Variants in DHX30 observed in about 807,000 individuals in gnomAD.
DHX30 encodes the protein ATP-dependent RNA helicase DHX30.
Under a neutral mutation model 116.9 loss-of-function variants are expected in DHX30, and 4 were observed. That is an observed-to-expected ratio of 0.03 (90% CI 0.02 to 0.08). The LOEUF is 0.08. Among genes scored for constraint, DHX30 ranks in the 10% least tolerant of loss-of-function variants. The pLI, the probability that DHX30 is intolerant of heterozygous loss-of-function variation, is 1.00. For missense variants in DHX30, 871 were observed against 1,595.1 expected (o/e 0.55, Z 7.73); for synonymous variants, 697 against 651.7 (o/e 1.07, Z -1.06).
At chr3:47,825,567 G>C (rs1010357270) in intron 4 of DHX30, among the ~76,000 whole-genome samples, 7 of 152,238 alleles carry the variant, frequency 4.6e-5, no homozygotes, top group African/African-American at 1.7e-4. Context: ...GGACAAGCAT[G>C]CCCTCACCAG....
intron 6 of DHX30, among the ~76,000 whole-genome samples, chr3:47,829,609 G>T (rs1032530143): frequency 7.2e-5 from 11 of 151,862 alleles, no homozygotes; most frequent in Non-Finnish European, 1.5e-4. Context: ...CTCTCAAAGT[G>T]TTGGGATTAC....
At chr3:47,829,378 C>G (rs2036729129) in intron 6 of DHX30, among the ~76,000 whole-genome samples, 1 of 122,908 alleles carries the variant, frequency 8.1e-6, no homozygotes, top group Admixed American at 1.0e-4. Flanking sequence ...GAGTTTCACT[C>G]TGTTGCCCAG....
intron 8 of DHX30, chr3:47,842,387 G>C (rs1279138247): frequency 6.6e-6 from 1 of 152,520 alleles, no homozygotes; most frequent in Non-Finnish European, 1.5e-5. Context: ...CCTTGAGTTC[G>C]TGTCTGGCGT....
intron 2 of DHX30, among the ~76,000 whole-genome samples, chr3:47,807,264 T>C (rs571590572): frequency 3.7e-4 from 57 of 152,290 alleles, no homozygotes; most frequent in African/African-American, 1.3e-3. Flanking sequence ...TTTGGATCTC[T>C]ATGAAATGTT....
rs771397921 is a variant in DHX30, at chr3:47,841,069, C to T, written c.559C>T (p.Arg187Trp). Residue 187 changes from arginine to tryptophan, a missense_variant, in exon 7 of 22, where the codon CGG becomes TGG. Arg to Trp is a moderately radical substitution (Grantham distance 101). Transcript: ENST00000445061. Reference protein sequence around the residue: ...GPGGLSRSLGREEEEDEEEEL... With the variant: ...GPGGLSRSLGWEEEEDEEEEL... ...TGGGGGCCTATCCCGCTCTTTAGGC[C>T]GGGAAGAAGAGGAGGACGAGGAGGA... 5 of 1,614,034 alleles carry T rather than the reference C, an allele frequency of 3.1e-6. No homozygotes were observed. The highest frequency in any genetic ancestry group is 2.2e-5 in the East Asian group (1 of 44,870).
In DHX30 at chr3:47,841,001, C is replaced by T; in HGVS notation, c.491C>T (p.Ser164Phe). 1.2e-6 allele frequency: 2 copies of T among 1,614,258 alleles called. No individual in the cohort carries two copies. The highest frequency in any genetic ancestry group is 1.1e-5 in the South Asian group (1 of 91,088). ...WRPEPTMPPTSWRQLNPESIR... is the reference protein window; with the variant it reads ...WRPEPTMPPTFWRQLNPESIR... ...CCGGAACCCACCATGCCCCCTACTTCCTGGCGGCAGCTGAATCCAGAGAGT... is the reference window on the plus strand; with the variant it reads ...CCGGAACCCACCATGCCCCCTACTTTCTGGCGGCAGCTGAATCCAGAGAGT... Residue 164 changes from serine (S) to phenylalanine (F), a missense_variant, in exon 7 of 22, where the codon TCC becomes TTC. By Grantham distance (155) the Ser-to-Phe change is radical (BLOSUM62 -2). Transcript: ENST00000445061.
rs775616050 is a variant in DHX30, at chr3:47,848,170, C to T, written c.2287-10C>T. 8 of 1,613,384 alleles carry T rather than the reference C, an allele frequency of 5.0e-6. No homozygotes were observed. Among genetic ancestry groups the T allele is most frequent in the South Asian group, 1.1e-5 (1 of 91,058 alleles). On this transcript the variant is annotated splice_polypyrimidine_tract_variant and intron_variant, in intron 14 of 21. Coordinates refer to ENST00000445061, the MANE Select transcript of DHX30 (RefSeq NM_138615.3). The surrounding 1 kb of genome is among the most constrained non-coding windows in gnomAD (Gnocchi z 9.4). ...GCATTTGTGTGCTGCTTACTTGCCA[C>T]CTCCTCCAGGTGTCCTGCCTGGAGA...
intron 8 of DHX30, chr3:47,842,576 A>G (rs1228457758): frequency 1.3e-5 from 2 of 152,254 alleles, no homozygotes; most frequent in East Asian, 3.8e-4. Context: ...CCCTTCCTAA[A>G]CCTAAGTATA....
At chr3:47,823,565 T>C (rs1182807165) in intron 4 of DHX30, among the ~76,000 whole-genome samples, 1 of 152,108 alleles carries the variant, frequency 6.6e-6, no homozygotes. Flanking sequence ...GGTTTCACCA[T>C]GTTGACCAGG....
intron 3 of DHX30, chr3:47,816,732 A>T (rs1384630025): frequency 1.0e-6 from 1 of 985,480 alleles, no homozygotes; most frequent in Non-Finnish European, 1.2e-6. Flanking sequence ...TGAAACAGCC[A>T]CTGTGGTGAA....
Position 47,829,330 on chromosome 3 carries a change from T to C in DHX30, c.366+196T>C, listed in dbSNP as rs1056250364. Reference sequence around the variant, plus strand: ...TATATATATATTTTTTTTTTTTTTTTCCTGTGTTTTTGGTTTTTTTTTTTT... The same window carrying C: ...TATATATATATTTTTTTTTTTTTTTCCCTGTGTTTTTGGTTTTTTTTTTTT... On this transcript the variant is annotated intron_variant, in intron 6 of 21. Transcript: ENST00000445061. Among the ~76,000 whole-genome samples, 309 of 119,298 alleles carry C rather than the reference T, an allele frequency of 2.6e-3. 4 individuals are homozygous for C. Among genetic ancestry groups the C allele is most frequent in the Non-Finnish European group, 4.2e-3 (241 of 57,300 alleles). The allele number at this position is 119,298 out of a possible 152,430, so 78.3% of individuals were successfully genotyped here. A position where few individuals can be genotyped will look rare whatever the true frequency, so the allele number is the denominator to read the frequency against.
chr3:47,828,277 T>C (rs1256627640), intron 5 of DHX30, among the ~76,000 whole-genome samples: 2 of 144,602 alleles, frequency 1.4e-5, no homozygotes, highest in African/African-American at 2.6e-5. Context: ...CTGGGCAACA[T>C]AGTGAGACCC....
Position 47,849,343 on chromosome 3 carries a change from C to A in DHX30, c.3081C>A (p.Leu1027=), listed in dbSNP as rs752126393. ...GVLMAGLYPN[L]IQVRQGKVTR... is the part of the protein sequence containing the mutation. The stretch of plus-strand genomic sequence containing the variant: ...TGATGGCCGGCCTCTACCCCAACCT[C>A]ATCCAGGTGCTGCCTCTGGGAGGGA... Residue 1027 remains leucine (L), a synonymous_variant, in exon 19 of 22, where the codon CTC becomes CTA. Coordinates refer to ENST00000445061, the MANE Select transcript of DHX30 (RefSeq NM_138615.3). The A allele has an allele frequency of 1.9e-6, 3 of 1,611,446 alleles. No homozygotes were observed. The highest frequency in any genetic ancestry group is 2.5e-6 in the Non-Finnish European group (3 of 1,178,440).
intron 4 of DHX30, among the ~76,000 whole-genome samples, chr3:47,823,354 G>GTTT (rs1245646578): frequency 1.4e-5 from 2 of 144,500 alleles, no homozygotes; most frequent in East Asian, 2.0e-4. Context: ...ATCCCTGGTT[G>GTTT]TTGTTTTTTT....
chr3:47,817,874 G>A lies in DHX30; in HGVS notation c.29-148G>A, dbSNP rs1438333998. The A allele has an allele frequency of 1.1e-5, 8 of 735,696 alleles. No individual in the cohort carries two copies. The African/African-American group carries it at 1.2e-4, about 11-fold the overall frequency. The allele number at this position is 735,696 out of a possible 1,614,324, so 45.6% of individuals were successfully genotyped here. ...CTTCCTGTGTGGCGTTGTTAGTGCT[G>A]TTCCTCAGAACCTGTGGCTGCTCCC... On this transcript the variant is annotated intron_variant, in intron 3 of 21. Coordinates refer to ENST00000445061, the MANE Select transcript of DHX30 (RefSeq NM_138615.3).
At chr3:47,840,249 G>A (rs1374699237) in intron 6 of DHX30, among the ~76,000 whole-genome samples, 15 of 151,134 alleles carry the variant, frequency 9.9e-5, no homozygotes, top group Non-Finnish European at 5.9e-5. Flanking sequence ...CGCCCGTCTC[G>A]GCCTCCCAAA....
chr3:47,828,974 A>G (rs534158789), intron 5 of DHX30, 50 bp from the exon 6 acceptor site: 31 of 1,161,700 alleles, frequency 2.7e-5, no homozygotes, highest in Admixed American at 2.3e-4. Flanking sequence ...ATTTGCAACA[A>G]CTCTAGTCTG....
chr3:47,840,828 G>T (rs1464261665), intron 6 of DHX30, 49 bp from the exon 7 acceptor site: 1 of 1,610,584 alleles, frequency 6.2e-7, no homozygotes, highest in African/African-American at 1.3e-5. Context: ...CAGGCCGACT[G>T]AGGTGTAAAG....
chr3:47,839,919 C>T (rs1233595650), intron 6 of DHX30, among the ~76,000 whole-genome samples: 3 of 152,122 alleles, frequency 2.0e-5, no homozygotes, highest in African/African-American at 7.2e-5. Flanking sequence ...GAGTAGTCCA[C>T]CTGCCTGGGC....
Sources: gnomAD v4.1 joint callset for allele counts (sites outside exome capture counted in the v4.1 genomes callset) on GRCh38, gnomAD v4.1.1 for gene constraint, Gnocchi (gnomAD v3.1) non-coding constraint, MANE v1.5 for transcripts, NCBI Gene and HGNC (gene_info 2026-07-23, HGNC 2026-07-21) for gene names.